The following GPC6 variants were observed in gnomAD, a reference collection of about 807,000 sequenced individuals.
GPC6 encodes glypican 6.
GPC6 carries 14 observed loss-of-function variants against 55.2 expected under a neutral mutation model. The observed-to-expected ratio is 0.25, with a 90% confidence interval of 0.17 to 0.40. GPC6 has a LOEUF of 0.40. Among genes scored for constraint, GPC6 ranks in the 10% least tolerant of loss-of-function variants. The pLI, the probability that GPC6 is intolerant of heterozygous loss-of-function variation, is 1.00. For missense variants in GPC6, 641 were observed against 708.5 expected (o/e 0.90, Z 1.08); for synonymous variants, 278 against 259.6 (o/e 1.07, Z -0.68).
chr13:94,258,627 G>A (rs931026839), intron 4 of GPC6, among the ~76,000 whole-genome samples: 11 of 152,062 alleles, frequency 7.2e-5, no homozygotes, highest in East Asian at 1.9e-4. Context: ...GTATCTTCAC[G>A]CATTCAGCAA....
intron 4 of GPC6, chr13:94,187,909 C>T (rs1209039611): frequency 6.6e-6 from 1 of 152,174 alleles, no homozygotes; most frequent in Non-Finnish European, 1.5e-5. Context: ...ATACTGAATT[C>T]CTGGGCCCAG....
intron 4 of GPC6, among the ~76,000 whole-genome samples, chr13:94,266,336 T>A (rs1891810628): frequency 6.6e-6 from 1 of 151,998 alleles, no homozygotes; most frequent in Non-Finnish European, 1.5e-5. Flanking sequence ...TTCTGGCTAA[T>A]TTTTTGTATT....
At chr13:94,031,967 G>T (rs1339800659) in intron 4 of GPC6, among the ~76,000 whole-genome samples, 9 of 152,112 alleles carry the variant, frequency 5.9e-5, no homozygotes. Context: ...TACCTTCTAA[G>T]ATTTTATAGA....
chr13:93,413,826 G>A (rs1594152640), intron 1 of GPC6, among the ~76,000 whole-genome samples: 1 of 152,018 alleles, frequency 6.6e-6, no homozygotes, highest in Non-Finnish European at 1.5e-5. Context: ...AAATGATAAA[G>A]AATACACACT....
chr13:93,647,383 T>A (rs1010406135), intron 2 of GPC6, among the ~76,000 whole-genome samples: 2 of 152,102 alleles, frequency 1.3e-5, no homozygotes, highest in African/African-American at 4.8e-5. Flanking sequence ...GGTTATTGCT[T>A]ATAAGGGAGA....
chr13:93,292,881 T>A lies in GPC6; in HGVS notation c.160+65265T>A, dbSNP rs537319078. 3.9e-5 allele frequency among the ~76,000 whole-genome samples: 6 copies of A among 152,376 alleles called. No individual in the cohort carries two copies. In the East Asian group the frequency reaches 1.2e-3, roughly 29 times the overall value. On this transcript the variant is annotated intron_variant, in intron 1 of 8. Coordinates refer to ENST00000377047, the MANE Select transcript of GPC6 (RefSeq NM_005708.5). Reference sequence around the variant, plus strand: ...TAGAAAACAATTTGAAATGGGTTGATAAAAGTTTATTTGCCTCATTGACTA... The same window carrying A: ...TAGAAAACAATTTGAAATGGGTTGAAAAAAGTTTATTTGCCTCATTGACTA...
At chr13:93,972,175 G>A (rs1594631985) in intron 3 of GPC6, among the ~76,000 whole-genome samples, 1 of 152,136 alleles carries the variant, frequency 6.6e-6, no homozygotes, top group African/African-American at 2.4e-5. Context: ...CACTCCCCAA[G>A]CACACTTCAC....
chr13:93,886,579 T>C (rs376338157), intron 3 of GPC6, among the ~76,000 whole-genome samples: 38 of 152,206 alleles, frequency 2.5e-4, no homozygotes, highest in African/African-American at 9.1e-4. Context: ...TTCTGAATGA[T>C]GGCTAGCAAA....
At chr13:93,478,229 A>G (rs1238650863) in intron 1 of GPC6, among the ~76,000 whole-genome samples, 1 of 152,166 alleles carries the variant, frequency 6.6e-6, no homozygotes, top group Non-Finnish European at 1.5e-5. Flanking sequence ...CTCCAGTGAA[A>G]AAAGTCGTCA....
At chr13:93,698,600 C>T (rs1882555692) in intron 2 of GPC6, among the ~76,000 whole-genome samples, 1 of 139,910 alleles carries the variant, frequency 7.1e-6, no homozygotes, top group African/African-American at 2.7e-5. Flanking sequence ...TTGTCATTTG[C>T]TGGATTGAGT....
At chr13:94,115,191 A>G (rs185944408) in intron 4 of GPC6, among the ~76,000 whole-genome samples, 14 of 152,284 alleles carry the variant, frequency 9.2e-5, no homozygotes, top group Non-Finnish European at 1.5e-4. Flanking sequence ...ATCCTCTCCA[A>G]GTACTTAGGC....
chr13:93,587,293 A>G (rs565065026), intron 2 of GPC6, among the ~76,000 whole-genome samples: 58 of 152,224 alleles, frequency 3.8e-4, no homozygotes, highest in Middle Eastern at 3.4e-3. Flanking sequence ...TATGAGAGTT[A>G]ATGTCTCTAA....
At chr13:93,303,869 A>C (rs2139097945) in intron 1 of GPC6, among the ~76,000 whole-genome samples, 1 of 134,996 alleles carries the variant, frequency 7.4e-6, no homozygotes, top group East Asian at 2.2e-4. Context: ...CAATGTAGAT[A>C]CTATTTTTTT....
intron 4 of GPC6, among the ~76,000 whole-genome samples, chr13:94,156,223 T>C (rs1429309132): frequency 1.3e-5 from 2 of 152,140 alleles, no homozygotes; most frequent in East Asian, 3.8e-4. Flanking sequence ...CCTAGCATTA[T>C]TGTGGACTGC....
chr13:94,227,340 GA>G (rs201668186), intron 4 of GPC6, among the ~76,000 whole-genome samples: 1 of 151,998 alleles, frequency 6.6e-6, no homozygotes, highest in African/African-American at 2.4e-5. Flanking sequence ...TCACGTGAAG[GA>G]AAAAAATCAC....
intron 6 of GPC6, among the ~76,000 whole-genome samples, chr13:94,373,424 C>A (rs965649183): frequency 1.3e-5 from 2 of 152,040 alleles, no homozygotes; most frequent in African/African-American, 4.8e-5. Context: ...AATGCAGAAG[C>A]CTCAGGAGCC....
At position 93,919,045 on chromosome 13, in the gene GPC6, C is replaced by T. The variant is rs551021008; in HGVS notation, c.711+88500C>T. On this transcript the variant is annotated intron_variant, in intron 3 of 8. Coordinates refer to ENST00000377047, the MANE Select transcript of GPC6 (RefSeq NM_005708.5). The stretch of plus-strand genomic sequence containing the variant: ...TTCATGAATGGCGTAGCACCATCCC[C>T]TTGGTGACGAGTGAGTTCTTGGTCA... 1.8e-4 allele frequency among the ~76,000 whole-genome samples: 27 copies of T among 152,262 alleles called. No homozygotes were observed. The South Asian group carries it at 5.6e-3, about 32-fold the overall frequency.
At chr13:93,387,133 C>CTT (rs11406368) in intron 1 of GPC6, among the ~76,000 whole-genome samples, 6,632 of 145,690 alleles carry the variant, frequency 0.046, 473 homozygotes, top group African/African-American at 0.15. Flanking sequence ...TGGTTTCTTT[C>CTT]TTTTTTTTTT....
In GPC6 at chr13:93,375,443, T is replaced by G. The variant is rs752015306; in HGVS notation, c.160+147827T>G. Among the ~76,000 whole-genome samples, 44 of 152,330 alleles carry G rather than the reference T, an allele frequency of 2.9e-4. 1 individual carries two copies. Among genetic ancestry groups the G allele is most frequent in the African/African-American group, 8.9e-4 (37 of 41,586 alleles). On this transcript the variant is annotated intron_variant, in intron 1 of 8. Coordinates refer to ENST00000377047, the MANE Select transcript of GPC6 (RefSeq NM_005708.5). ...ACGGCGTGGAGTGGCTAAATGCTAG[T>G]ACCTGGCTGTCTAAGTGGGTCTGGG...
Sources: gnomAD v4.1 joint callset for allele counts (sites outside exome capture counted in the v4.1 genomes callset) on GRCh38, gnomAD v4.1.1 for gene constraint, MANE v1.5 for transcripts, NCBI Gene and HGNC (gene_info 2026-07-23, HGNC 2026-07-21) for gene names.